Variants in MAP3K13 observed in about 807,000 individuals in gnomAD.
MAP3K13 encodes the protein leucine zipper-bearing kinase.
Under a neutral mutation model 104.0 loss-of-function variants are expected in MAP3K13, and 52 were observed. That is an observed-to-expected ratio of 0.50 (90% CI 0.40 to 0.63). The LOEUF (loss-of-function observed/expected upper bound fraction) is 0.63. Among genes scored for constraint, MAP3K13 ranks in the 20% least tolerant of loss-of-function variants. The pLI, the probability that MAP3K13 is intolerant of heterozygous loss-of-function variation, is 0.00. For synonymous variants in MAP3K13, 394 were observed against 442.2 expected (o/e 0.89, Z 1.37); for missense variants, 914 against 1,218.5 (o/e 0.75, Z 3.72).
chr3:185,354,852 T>A (rs1417508024), intron 2 of MAP3K13, among the ~76,000 whole-genome samples: 1 of 152,170 alleles, frequency 6.6e-6, no homozygotes, highest in Non-Finnish European at 1.5e-5. Flanking sequence ...TTCTTAAAAA[T>A]TTATCCTTAA....
At chr3:185,354,613 G>GT (rs79706648) in intron 2 of MAP3K13, among the ~76,000 whole-genome samples, 1 of 150,272 alleles carries the variant, frequency 6.7e-6, no homozygotes, top group African/African-American at 2.4e-5. Flanking sequence ...AAGTATGGGG[G>GT]GGGGGCAGGG....
chr3:185,411,683 A>AAAATGTGATTTATATGCAACTTTTTAG (rs1383248158), intron 1 of MAP3K13, among the ~76,000 whole-genome samples: 1 of 152,176 alleles, frequency 6.6e-6, no homozygotes, highest in Non-Finnish European at 1.5e-5. Context: ...TGTTATTTTA[A>AAAATGTGATTTATATGCAACTTTTTAG]AAATGTGATT....
intron 2 of MAP3K13, among the ~76,000 whole-genome samples, chr3:185,432,446 C>T (rs1714801676): frequency 6.6e-6 from 1 of 152,014 alleles, no homozygotes; most frequent in Admixed American, 6.6e-5. Flanking sequence ...CTGCCTCGGC[C>T]TTCCAAAGTG....
chr3:185,477,108 G>A (rs986603952), intron 11 of MAP3K13: 14 of 658,870 alleles, frequency 2.1e-5, no homozygotes, highest in South Asian at 4.5e-5. Flanking sequence ...AGTTCTACAC[G>A]TCTTCCAGCA....
At chr3:185,308,009 C>CTTTTTTTTTTTTTTTTTTTTTTTTTTTT (rs33949195) in intron 2 of MAP3K13, among the ~76,000 whole-genome samples, 13 of 31,566 alleles carry the variant, frequency 4.1e-4, no homozygotes, top group Non-Finnish European at 5.7e-4. Flanking sequence ...TCTTTGGGGT[C>CTTTTTTTTTTTTTTTTTTTTTTTTTTTT]TTTTTTTTTT....
At chr3:185,455,399 G>A (rs1247401877) in intron 7 of MAP3K13, among the ~76,000 whole-genome samples, 262 of 14,694 alleles carry the variant, frequency 0.018, 52 homozygotes, top group African/African-American at 0.047. Flanking sequence ...TATCATATAT[G>A]AGATATATAT....
intron 1 of MAP3K13, among the ~76,000 whole-genome samples, chr3:185,421,249 A>T (rs1189404152): frequency 6.6e-6 from 1 of 151,636 alleles, no homozygotes; most frequent in Non-Finnish European, 1.5e-5. Flanking sequence ...GCTGAAGTGC[A>T]GTGGCAGCAT....
chr3:185,363,624 G>A (rs985663347), intron 1 of MAP3K13, among the ~76,000 whole-genome samples: 2 of 152,188 alleles, frequency 1.3e-5, no homozygotes, highest in African/African-American at 4.8e-5. Context: ...ACGTTACCTC[G>A]GATGCCTGCT....
intron 2 of MAP3K13, among the ~76,000 whole-genome samples, chr3:185,330,646 A>G (rs1270723006): frequency 6.6e-6 from 1 of 152,024 alleles, no homozygotes; most frequent in African/African-American, 2.4e-5. Context: ...TATTTTTCTC[A>G]TGGGACTTGA....
intron 2 of MAP3K13, among the ~76,000 whole-genome samples, chr3:185,303,732 G>A (rs1435908728): frequency 1.3e-5 from 2 of 151,774 alleles, no homozygotes; most frequent in African/African-American, 2.4e-5. Flanking sequence ...TCTAGCTAAG[G>A]ATTTGTCAAT....
intron 7 of MAP3K13, among the ~76,000 whole-genome samples, chr3:185,453,204 G>T (rs1315431782): frequency 6.6e-6 from 1 of 152,102 alleles, no homozygotes; most frequent in Non-Finnish European, 1.5e-5. Context: ...CTGAATTATA[G>T]CTGTATGCTT....
upstream of MAP3K13, among the ~76,000 whole-genome samples, chr3:185,358,593 A>G (rs1723475941): frequency 6.6e-6 from 1 of 151,156 alleles, no homozygotes; most frequent in African/African-American, 2.4e-5. Flanking sequence ...GATGTTTCTT[A>G]AAAATCACTT....
rs932377386 is a variant in MAP3K13, at chr3:185,485,843, A to G, written c.*3387A>G. 6 of 152,194 alleles carry G rather than the reference A, an allele frequency of 3.9e-5. No homozygotes were observed. Among genetic ancestry groups the G allele is most frequent in the Admixed American group, 6.5e-5 (1 of 15,282 alleles). The allele number at this position is 152,194 out of a possible 1,614,324, so 9.4% of individuals were successfully genotyped here. On this transcript the variant is annotated 3_prime_UTR_variant, in exon 14 of 14. Coordinates refer to ENST00000265026, the MANE Select transcript of MAP3K13 (RefSeq NM_004721.5). ...GGACTACCGTATATACATGTAGGGCATGACATAAAATGCCTAACTGTGATG... is the reference window on the plus strand; with the variant it reads ...GGACTACCGTATATACATGTAGGGCGTGACATAAAATGCCTAACTGTGATG...
chr3:185,411,594 A>G (rs762597445), intron 1 of MAP3K13, among the ~76,000 whole-genome samples: 18 of 152,232 alleles, frequency 1.2e-4, no homozygotes, highest in Non-Finnish European at 2.6e-4. Context: ...AATCATTAGC[A>G]TTTCAGAAGG....
intron 5 of MAP3K13, 178 bp downstream of exon 5, chr3:185,448,125 G>A (rs1391048630): frequency 2.6e-5 from 21 of 795,920 alleles, no homozygotes; most frequent in Admixed American, 7.0e-5. Flanking sequence ...TGGGGAGAAG[G>A]ATTAGGGGGA....
At chr3:185,428,466 T>C (rs1560101222) in intron 1 of MAP3K13, 31 bp from the exon 2 acceptor site, 6 of 1,370,756 alleles carry the variant, frequency 4.4e-6, no homozygotes, top group Non-Finnish European at 5.8e-6. Context: ...AAAGAAAGGA[T>C]GATCTCTTAT....
At chr3:185,305,724 T>C (rs1302576526) in intron 2 of MAP3K13, among the ~76,000 whole-genome samples, 1 of 152,198 alleles carries the variant, frequency 6.6e-6, no homozygotes, top group Non-Finnish European at 1.5e-5. Flanking sequence ...GAAAGGTCTA[T>C]TTTTTTCCTT....
intron 2 of MAP3K13, chr3:185,291,729 A>T (rs1720747455): frequency 4.0e-6 from 6 of 1,509,258 alleles, no homozygotes; most frequent in Non-Finnish European, 5.3e-6. Flanking sequence ...TCTCATCTGC[A>T]TTAAAGCTCT....
At chr3:185,417,807 G>A (rs1273857267) in intron 1 of MAP3K13, 2 of 1,611,794 alleles carry the variant, frequency 1.2e-6, no homozygotes. Flanking sequence ...GCTTCAACAT[G>A]ATTCTCAAGT....
Sources: allele counts gnomAD v4.1 joint callset (sites outside exome capture counted in the v4.1 genomes callset), GRCh38; gene constraint gnomAD v4.1.1; transcripts MANE v1.5; gene names NCBI Gene and HGNC (gene_info 2026-07-23, HGNC 2026-07-21).